The following BMP7 variants were observed in gnomAD, a reference collection of about 807,000 sequenced individuals.
The protein encoded by BMP7 is bone morphogenetic protein 7, also known as osteogenic protein 1.
BMP7 carries 12 observed loss-of-function variants against 41.2 expected under a neutral mutation model. The ratio of observed to expected loss-of-function variants is 0.29; its 90% confidence interval spans 0.19 to 0.47. The LOEUF is 0.47. Among genes scored for constraint, BMP7 ranks in the 20% least tolerant of loss-of-function variants. The pLI is 0.99. For synonymous variants in BMP7, 248 were observed against 250.0 expected (o/e 0.99, Z 0.07); for missense variants, 467 against 606.0 (o/e 0.77, Z 2.41).
intron 3 of BMP7, among the ~76,000 whole-genome samples, chr20:57,195,143 A>G (rs953287060): frequency 7.9e-5 from 12 of 152,200 alleles, no homozygotes; most frequent in African/African-American, 2.9e-4. Flanking sequence ...CGAGGAACCC[A>G]GCGAACTCTG....
chr20:57,227,690 C>T (rs2066012824), intron 2 of BMP7, among the ~76,000 whole-genome samples: 1 of 152,204 alleles, frequency 6.6e-6, no homozygotes, highest in African/African-American at 2.4e-5. Context: ...TCTTAGCCTC[C>T]TTACCTCTCA....
chr20:57,249,042 C>G (rs1006837947), intron 1 of BMP7, among the ~76,000 whole-genome samples: 26 of 152,036 alleles, frequency 1.7e-4, no homozygotes, highest in Admixed American at 1.4e-3. Context: ...ATGTCATGAT[C>G]TGCCCGCCTC....
intron 3 of BMP7, among the ~76,000 whole-genome samples, chr20:57,189,902 G>T (rs1984310319): frequency 6.6e-6 from 1 of 152,238 alleles, no homozygotes; most frequent in Admixed American, 6.5e-5. Flanking sequence ...TGTGTCTGAT[G>T]GTGGCAAGGA....
At chr20:57,208,885 A>G (rs1984805986) in intron 2 of BMP7, among the ~76,000 whole-genome samples, 1 of 152,208 alleles carries the variant, frequency 6.6e-6, no homozygotes, top group African/African-American at 2.4e-5. Flanking sequence ...AGGCAAATCC[A>G]TAAAGACAGA....
rs2123103950 is a variant in BMP7 at position 57,215,167 on chromosome 20, C to T, written c.612-12544G>A. Among the ~76,000 whole-genome samples the T allele has an allele frequency of 1.3e-5, 2 of 152,316 alleles. No individual in the cohort carries two copies. The highest frequency in any genetic ancestry group is 3.4e-3 in the Middle Eastern group (1 of 294). ...AGTTGAAGGGAAACCCTCATCAGCC[C>T]CTGGGCACCTCCATACCCCCCACCT... On this transcript the variant is annotated intron_variant, in intron 2 of 6. Coordinates refer to ENST00000395863, the MANE Select transcript of BMP7 (RefSeq NM_001719.3). The surrounding 1 kb of genome is among the most constrained non-coding windows in gnomAD (Gnocchi z 4.2).
chr20:57,200,072 T>G (rs567477015), intron 3 of BMP7, among the ~76,000 whole-genome samples: 2 of 152,356 alleles, frequency 1.3e-5, no homozygotes, highest in African/African-American at 4.8e-5. Flanking sequence ...CTCCATTTCC[T>G]GCCTGCACCA....
chr20:57,216,376 C>A (rs542818178), intron 2 of BMP7, among the ~76,000 whole-genome samples: 1 of 152,106 alleles, frequency 6.6e-6, no homozygotes, highest in African/African-American at 2.4e-5. Flanking sequence ...CTGGAGAGGG[C>A]GGGGAAGTAA....
chr20:57,252,796 C>T (rs530978610), intron 1 of BMP7, among the ~76,000 whole-genome samples: 2 of 152,244 alleles, frequency 1.3e-5, no homozygotes, highest in African/African-American at 4.8e-5. Context: ...GGCTAAGGCT[C>T]CCAGATGAAT....
At chr20:57,221,811 CAAAAAAAAAAAAA>C (rs57893562) in intron 2 of BMP7, among the ~76,000 whole-genome samples, 1 of 127,612 alleles carries the variant, frequency 7.8e-6, no homozygotes, top group Non-Finnish European at 1.7e-5. Context: ...CCCTATCTCT[CAAAAAAAAAAAAA>C]AAAAAAAAAA....
chr20:57,247,535 G>A (rs145007749), intron 1 of BMP7, among the ~76,000 whole-genome samples: 1 of 152,176 alleles, frequency 6.6e-6, no homozygotes, highest in East Asian at 1.9e-4. Context: ...CCAACCAACG[G>A]GCTTAAGGAG....
At chr20:57,175,708 G>A (rs982806294) in intron 4 of BMP7, among the ~76,000 whole-genome samples, 3 of 152,164 alleles carry the variant, frequency 2.0e-5, no homozygotes, top group Non-Finnish European at 2.9e-5. Context: ...CACACACACT[G>A]CAACCTTCCT....
chr20:57,245,333 T>A (rs1325068996), intron 1 of BMP7, among the ~76,000 whole-genome samples: 1 of 151,662 alleles, frequency 6.6e-6, no homozygotes, highest in Non-Finnish European at 1.5e-5. Flanking sequence ...AACAAAAAAG[T>A]GGTGTTTTTT....
In BMP7 at chr20:57,210,974, T is replaced by C. The variant is rs183492743; in HGVS notation, c.612-8351A>G. ...AGTGTAATGAAAAATGTTCTCGCCA[T>C]CACAGCCTGAGAGCCAGCCTGATAT... On this transcript the variant is annotated intron_variant, in intron 2 of 6. Transcript: ENST00000395863. Among the ~76,000 whole-genome samples the C allele has an allele frequency of 2.3e-3, 346 of 152,336 alleles. 4 individuals are homozygous for C. In the Middle Eastern group the frequency reaches 0.031, roughly 13 times the overall value.
chr20:57,255,523 G>A (rs1302645292), intron 1 of BMP7, among the ~76,000 whole-genome samples: 1 of 152,208 alleles, frequency 6.6e-6, no homozygotes, highest in Non-Finnish European at 1.5e-5. Context: ...TAAGGGGCCA[G>A]TTGCAGTGGC....
intron 1 of BMP7, among the ~76,000 whole-genome samples, chr20:57,243,339 C>T (rs1434511458): frequency 1.3e-5 from 2 of 151,908 alleles, no homozygotes; most frequent in Non-Finnish European, 2.9e-5. Flanking sequence ...ATTAGCTAGG[C>T]GTGGTGGTGC....
At chr20:57,187,754 T>C (rs6025432) in intron 3 of BMP7, among the ~76,000 whole-genome samples, 148,869 of 152,270 alleles carry the variant, frequency 0.98, 72,866 homozygotes, top group East Asian at 1. Context: ...GCCCGCATTC[T>C]CACCCCAGCC....
intron 3 of BMP7, among the ~76,000 whole-genome samples, chr20:57,189,518 C>T (rs1255125062): frequency 7.2e-5 from 11 of 152,382 alleles, no homozygotes; most frequent in Admixed American, 7.2e-4. Context: ...ACGCGTGACG[C>T]AGAGACAGGG....
intron 1 of BMP7, among the ~76,000 whole-genome samples, chr20:57,235,350 A>G (rs1332666636): frequency 6.6e-6 from 1 of 152,192 alleles, no homozygotes; most frequent in Non-Finnish European, 1.5e-5. Context: ...GCTTTTGGTG[A>G]ACACGTGTCC....
chr20:57,175,217 C>T (rs1983896587), intron 4 of BMP7, among the ~76,000 whole-genome samples: 1 of 152,322 alleles, frequency 6.6e-6, no homozygotes, highest in African/African-American at 2.4e-5. Context: ...AAGGGAGGTG[C>T]CAATGCCCCA....
Sources: allele counts gnomAD v4.1 joint callset (sites outside exome capture counted in the v4.1 genomes callset), GRCh38; gene constraint gnomAD v4.1.1; non-coding constraint Gnocchi (gnomAD v3.1); transcripts MANE v1.5; gene names NCBI Gene and HGNC (gene_info 2026-07-23, HGNC 2026-07-21).